Variants in MCM7 observed in about 807,000 individuals in gnomAD.
The protein encoded by MCM7 is DNA replication licensing factor MCM7.
MCM7 carries 95 observed loss-of-function variants against 83.5 expected under a neutral mutation model. That is an observed-to-expected ratio of 1.14 (90% CI 0.96 to 1.35). MCM7 has a LOEUF of 1.35. MCM7 is among the 40% of genes most tolerant of loss of function. The pLI, the probability that MCM7 is intolerant of heterozygous loss-of-function variation, is 0.00. For missense variants in MCM7, 1,087 were observed against 957.4 expected (o/e 1.14, Z -1.79); for synonymous variants, 461 against 352.7 (o/e 1.31, Z -3.44).
intron 5 of MCM7, 83 bp downstream of exon 5, chr7:100,098,940 A>G: frequency 6.4e-7 from 1 of 1,562,494 alleles, no homozygotes; most frequent in Non-Finnish European, 8.7e-7. Context: ...AACCAAATAA[A>G]ACAATAGGCA....
chr7:100,099,597 C>T lies in MCM7; in HGVS notation c.268G>A (p.Glu90Lys), dbSNP rs73395957. The T allele has an allele frequency of 7.0e-4, 1,125 of 1,613,972 alleles. 10 individuals carry two copies. In the African/African-American group the frequency reaches 0.013, roughly 19 times the overall value. Residue 90 changes from glutamate (E) to lysine (K), a missense_variant, in exon 3 of 15, where the codon GAG (glutamate) becomes AAG (lysine). Physicochemically the swap from Glu to Lys is moderately conservative, Grantham distance 56. Transcript: ENST00000303887. ...AVQELLPQYK[E>K]REVVNKDVLD... The stretch of plus-strand genomic sequence containing the variant: ...GTTCTCTAACCACTCACTTCCCTCT[C>T]CTTGTACTGAGGCAGCAGCTCTTGT...
chr7:100,097,603 T>C lies in MCM7; in HGVS notation c.1117+11A>G, dbSNP rs767938131. The C allele has an allele frequency of 5.6e-6, 9 of 1,613,312 alleles. No homozygotes were observed. The highest frequency in any genetic ancestry group is 5.0e-5 in the Admixed American group (3 of 59,992). Reference sequence around the variant, plus strand: ...TCATCCACCCTGAGCCTCTCCCTTGTTTCTTCTTACCCCGGATTTTCATGC... The same window carrying C: ...TCATCCACCCTGAGCCTCTCCCTTGCTTCTTCTTACCCCGGATTTTCATGC... On this transcript the variant is annotated intron_variant, in intron 9 of 14. Transcript: ENST00000303887.
In MCM7 at chr7:100,092,762, C is replaced by G. The variant is rs534454567; in HGVS notation, c.*170G>C. On this transcript the variant is annotated 3_prime_UTR_variant, in exon 15 of 15. Transcript: ENST00000303887. ...CACAAAACCCTGTTTTAATGGAAGTCAGGCCCAGGCTAGAAGATGACAATC... is the reference window on the plus strand; with the variant it reads ...CACAAAACCCTGTTTTAATGGAAGTGAGGCCCAGGCTAGAAGATGACAATC... 2.9e-6 allele frequency: 2 copies of G among 691,418 alleles called. No homozygotes were observed. Among genetic ancestry groups the G allele is most frequent in the African/African-American group, 3.6e-5 (2 of 55,540 alleles). The allele number at this position is 691,418 out of a possible 1,614,324, so 42.8% of individuals were successfully genotyped here. A position where few individuals can be genotyped will look rare whatever the true frequency, so the allele number is the denominator to read the frequency against.
In MCM7 at chr7:100,095,522, T is replaced by C. The variant is rs765848327; in HGVS notation, c.1596-52A>G. 3.9e-6 allele frequency: 6 copies of C among 1,553,770 alleles called. No individual in the cohort carries two copies. In the African/African-American group the frequency reaches 6.8e-5, roughly 18 times the overall value. ...CACCCTTTTTAGGGCTACGCACCCA[T>C]GTCCTCTTAGGTGTCCCTCCTTTGG... is the stretch of plus-strand genomic sequence containing the variant. On this transcript the variant is annotated intron_variant, in intron 11 of 14. Transcript: ENST00000303887.
chr7:100,100,803 C>T (rs967752826), intron 1 of MCM7: 1 of 996,388 alleles, frequency 1.0e-6, no homozygotes, highest in Non-Finnish European at 1.2e-6. Flanking sequence ...CACTTCCGCT[C>T]GGAGGGCGGC....
At position 100,093,189 on chromosome 7, in the gene MCM7, C is replaced by T. The variant is rs968624574; in HGVS notation, c.1959-56G>A. The T allele has an allele frequency of 1.1e-5, 17 of 1,600,314 alleles. No homozygotes were observed. The African/African-American group carries it at 2.3e-4, about 21-fold the overall frequency. On this transcript the variant is annotated intron_variant, in intron 14 of 14. Coordinates refer to ENST00000303887, the MANE Select transcript of MCM7 (RefSeq NM_005916.5). ...GGATACAAACAGGAATGCTCGACAT[C>T]AACAGAGAACAATGGTGGCCAGTGT... is the stretch of plus-strand genomic sequence containing the variant.
chr7:100,099,708 C>T lies in MCM7; in HGVS notation c.157G>A (p.Asp53Asn), dbSNP rs777681075. 1.2e-6 allele frequency: 2 copies of T among 1,614,210 alleles called. No individual in the cohort carries two copies. Among genetic ancestry groups the T allele is most frequent in the South Asian group, 2.2e-5 (2 of 91,092 alleles). ...TCGGGGTCATCCTCGGCTACGTCGTCCAGGTCCACATACAGAGCCACCTGT... is the reference window on the plus strand; with the variant it reads ...TCGGGGTCATCCTCGGCTACGTCGTTCAGGTCCACATACAGAGCCACCTGT... The part of the protein sequence containing the change: ...REQVALYVDL[D>N]DVAEDDPELV... Residue 53 changes from aspartate to asparagine, a missense_variant, in exon 3 of 15, where the codon GAC (aspartate) becomes AAC (asparagine). Coordinates refer to ENST00000303887, the MANE Select transcript of MCM7 (RefSeq NM_005916.5).
chr7:100,100,379 A>G (rs771821792), intron 1 of MCM7: 278 of 1,087,844 alleles, frequency 2.6e-4, no homozygotes, highest in Non-Finnish European at 3.0e-4. Flanking sequence ...GGCCCCTCAC[A>G]CTCCGGTCTC....
At chr7:100,094,780 G>A (rs1258483989) in intron 12 of MCM7, among the ~76,000 whole-genome samples, 2 of 152,218 alleles carry the variant, frequency 1.3e-5, no homozygotes, top group African/African-American at 4.8e-5. Flanking sequence ...CTGGGAGCAG[G>A]TGTTTTAAAC....
chr7:100,096,100 C>G lies in MCM7; in HGVS notation c.1269G>C (p.Val423=), dbSNP rs761615251. ...CACCCTCTAAGGTCAGTTCTCCACT[C>G]ACGGAGTCTCTCAGCACAGCTGCCG... The part of the protein sequence containing the change: ...GLTAAVLRDS[V]SGELTLEGGA... Residue 423 remains valine (V), a synonymous_variant, in exon 11 of 15, where the codon GTG becomes GTC. Coordinates refer to ENST00000303887, the MANE Select transcript of MCM7 (RefSeq NM_005916.5). 1.2e-6 allele frequency: 2 copies of G among 1,613,938 alleles called. No individual in the cohort carries two copies. Among genetic ancestry groups the G allele is most frequent in the African/African-American group, 2.7e-5 (2 of 74,914 alleles).
intron 13 of MCM7, 119 bp downstream of exon 13, chr7:100,094,054 C>T: frequency 5.5e-6 from 7 of 1,284,208 alleles, no homozygotes; most frequent in Non-Finnish European, 8.0e-6. Flanking sequence ...TCTGCACTGT[C>T]AGCACTTTAG....
Position 100,093,360 on chromosome 7 carries a change from C to G in MCM7, c.1890G>C (p.Val630=), listed in dbSNP as rs775906032. Residue 630 remains valine (V), a synonymous_variant, in exon 14 of 15, where the codon GTG becomes GTC. Transcript: ENST00000303887. ...RMVDVVEKED[V]NEAIRLMEMS... is the part of the protein sequence containing the mutation. ...TCTCCATTAGCCTGATGGCTTCATT[C>G]ACATCTTCTTTCTCCACCACATCCA... 4 of 1,614,170 alleles carry G rather than the reference C, an allele frequency of 2.5e-6. No individual in the cohort carries two copies. Among genetic ancestry groups the G allele is most frequent in the Non-Finnish European group, 3.4e-6 (4 of 1,180,028 alleles).
intron 1 of MCM7, 68 bp from the exon 2 acceptor site, chr7:100,100,161 T>A: frequency 6.3e-7 from 1 of 1,585,040 alleles, no homozygotes; most frequent in Non-Finnish European, 8.6e-7. Flanking sequence ...CATTTTCGCT[T>A]AAAACACGAC....
In MCM7 at chr7:100,095,888, C is replaced by T. The variant is rs753652322; in HGVS notation, c.1481G>A (p.Arg494His). 12 of 1,613,702 alleles carry T rather than the reference C, an allele frequency of 7.4e-6. No individual in the cohort carries two copies. Among genetic ancestry groups the T allele is most frequent in the Admixed American group, 3.3e-5 (2 of 59,988 alleles). The change falls in exon 11 of 15, where the codon CGC (arginine) becomes CAC (histidine). Residue 494 changes from arginine to histidine, a missense_variant. Transcript: ENST00000303887. Reference protein sequence around the residue: ...ILAAANPAYGRYNPRRSLEQN... With the variant: ...ILAAANPAYGHYNPRRSLEQN... ...CTCCAGGCTGCGGCGAGGGTTGTAG[C>T]GCCCGTAGGCAGGGTTGGCGGCAGC...
At chr7:100,093,167 T>C (rs1795404897) in intron 14 of MCM7, 34 bp from the exon 15 acceptor site, 2 of 1,609,850 alleles carry the variant, frequency 1.2e-6, no homozygotes, top group East Asian at 2.2e-5. Context: ...AAGGTCAGGA[T>C]ACAAACAGGA....
intron 1 of MCM7, chr7:100,100,564 C>T (rs1469203326): frequency 1.0e-5 from 10 of 992,096 alleles, no homozygotes; most frequent in Non-Finnish European, 1.2e-5. Context: ...ATTCCAGCCG[C>T]TTCACAGCTC....
At chr7:100,095,321 A>G in intron 12 of MCM7, 66 bp downstream of exon 12, 2 of 1,384,214 alleles carry the variant, frequency 1.4e-6, no homozygotes, top group Non-Finnish European at 1.0e-6. Flanking sequence ...AAGACTAATA[A>G]GCACTTTTTC....
intron 10 of MCM7, 124 bp from the exon 11 acceptor site, chr7:100,096,291 T>G (rs1209324824): frequency 7.5e-6 from 7 of 935,790 alleles, no homozygotes; most frequent in Non-Finnish European, 1.1e-5. Flanking sequence ...CCACCAGGCC[T>G]TCTTGAGATG....
intron 1 of MCM7, chr7:100,100,685 TC>T (rs1795947166): frequency 1.0e-6 from 1 of 989,830 alleles, no homozygotes; most frequent in Non-Finnish European, 1.2e-6. Flanking sequence ...AAGCTCCGGA[TC>T]CCAGGCACGC....
Sources: gnomAD v4.1 joint callset for allele counts (sites outside exome capture counted in the v4.1 genomes callset) on GRCh38, gnomAD v4.1.1 for gene constraint, MANE v1.5 for transcripts, NCBI Gene and HGNC (gene_info 2026-07-23, HGNC 2026-07-21) for gene names.